Variants in USP47 observed in about 807,000 individuals in gnomAD.
USP47 encodes the protein ubiquitin carboxyl-terminal hydrolase 47.
A neutral mutation model predicts 165.1 loss-of-function variants in USP47; 35 were observed. The ratio of observed to expected loss-of-function variants is 0.21; its 90% CI spans 0.16 to 0.28. The LOEUF (loss-of-function observed/expected upper bound fraction) is 0.28, where lower values mean the gene tolerates loss of function less well. Ranked by LOEUF, USP47 falls within the 10% of genes least tolerant of loss-of-function variation. The probability of loss-of-function intolerance (pLI) is 1.00; values close to 1 mark genes in which losing one functional copy is unlikely to be tolerated. For missense variants in USP47, 1,277 were observed against 1,607.4 expected, an observed-to-expected ratio of 0.79 and a Z score of 3.52; for synonymous variants, 531 against 544.5, an observed-to-expected ratio of 0.98 and a Z score of 0.35.
At chr11:11,853,171 A>G (rs1269703089) in intron 1 of USP47, among the ~76,000 whole-genome samples, 2 of 152,164 alleles carry the variant, frequency 1.3e-5, no homozygotes, top group African/African-American at 4.8e-5. Context: ...AGCCCAAGTT[A>G]GAAAGAAAAG....
intron 7 of USP47, among the ~76,000 whole-genome samples, chr11:11,904,844 A>G (rs568876298): frequency 2.6e-5 from 4 of 152,302 alleles, no homozygotes; most frequent in Admixed American, 6.5e-5. Flanking sequence ...ATATTTCTCT[A>G]TAAAATTGTG....
At chr11:11,889,380 A>G (rs1455041594) in intron 3 of USP47, among the ~76,000 whole-genome samples, 1 of 152,166 alleles carries the variant, frequency 6.6e-6, no homozygotes, top group Admixed American at 6.5e-5. Context: ...ATACAAATTC[A>G]GTGTGCAGAA....
chr11:11,873,466 C>G (rs1319667963), intron 1 of USP47, among the ~76,000 whole-genome samples: 2 of 152,074 alleles, frequency 1.3e-5, no homozygotes, highest in South Asian at 2.1e-4. Context: ...CAAGAGATCT[C>G]TTGGTTTCCT....
At chr11:11,925,834 A>T (rs1433804256) in intron 11 of USP47, among the ~76,000 whole-genome samples, 2 of 152,130 alleles carry the variant, frequency 1.3e-5, no homozygotes, top group South Asian at 2.1e-4. Context: ...TTAGAGGGAA[A>T]GCTTTCCGTT....
intron 4 of USP47, among the ~76,000 whole-genome samples, chr11:11,896,134 G>A (rs1190776626): frequency 6.6e-6 from 1 of 152,168 alleles, no homozygotes; most frequent in Non-Finnish European, 1.5e-5. Context: ...GCCAAATCAA[G>A]TACAAAAGAT....
intron 1 of USP47, among the ~76,000 whole-genome samples, chr11:11,845,099 T>A (rs1179214025): frequency 6.6e-6 from 1 of 152,238 alleles, no homozygotes; most frequent in Non-Finnish European, 1.5e-5. Flanking sequence ...GAAACAGCTA[T>A]GCCATTTATT....
chr11:11,888,903 G>A lies in USP47; in HGVS notation c.358-3065G>A, dbSNP rs184564725. Among the ~76,000 whole-genome samples the A allele has an allele frequency of 4.3e-3, 651 of 152,054 alleles. 2 individuals are homozygous for A. Among genetic ancestry groups the A allele is most frequent in the Admixed American group, 9.2e-3 (140 of 15,264 alleles). On this transcript the variant is annotated intron_variant, in intron 3 of 27. Coordinates refer to ENST00000527733, the MANE Select transcript of USP47 (RefSeq NM_001282659.2). ...GATGCAAGGTTTGTTCAACATATGC[G>A]AATCAATAAATGCGATTCATCCCAT... is the stretch of plus-strand genomic sequence containing the variant.
At chr11:11,923,428 A>T (rs1025720273) in intron 11 of USP47, among the ~76,000 whole-genome samples, 46 of 152,178 alleles carry the variant, frequency 3.0e-4, no homozygotes, top group African/African-American at 9.9e-4. Flanking sequence ...GATAGTCCTC[A>T]AGACACTTTG....
chr11:11,897,558 A>G, intron 4 of USP47, 39 bp from the exon 5 acceptor site: 1 of 1,414,098 alleles, frequency 7.1e-7, no homozygotes, highest in Non-Finnish European at 9.8e-7. Flanking sequence ...TTTTTAATGT[A>G]AATGCTGATT....
At chr11:11,867,833 G>A (rs1396397930) in intron 1 of USP47, among the ~76,000 whole-genome samples, 1 of 152,132 alleles carries the variant, frequency 6.6e-6, no homozygotes, top group African/African-American at 2.4e-5. Flanking sequence ...CCAGGTGCCT[G>A]GGAATATCAC....
intron 16 of USP47, among the ~76,000 whole-genome samples, chr11:11,936,084 ATGAT>A (rs2134728005): frequency 6.6e-6 from 1 of 151,900 alleles, no homozygotes; most frequent in Non-Finnish European, 1.5e-5. Flanking sequence ...CATGCTTTAT[ATGAT>A]TGGAGGGATA....
chr11:11,906,623 C>G (rs983232611), intron 8 of USP47, among the ~76,000 whole-genome samples: 1 of 152,120 alleles, frequency 6.6e-6, no homozygotes, highest in African/African-American at 2.4e-5. Context: ...ATCAAGTCTC[C>G]TTTCTGCTAC....
chr11:11,882,735 T>C (rs1192427131), intron 2 of USP47, among the ~76,000 whole-genome samples: 2 of 152,186 alleles, frequency 1.3e-5, no homozygotes, highest in Admixed American at 6.6e-5. Flanking sequence ...GCACCACTTA[T>C]AGTTCCTTTT....
intron 5 of USP47, among the ~76,000 whole-genome samples, chr11:11,902,482 T>A (rs1024418731): frequency 3.9e-5 from 6 of 152,194 alleles, no homozygotes; most frequent in Non-Finnish European, 7.4e-5. Context: ...TCTTGAGCAC[T>A]TTTGCCTTGT....
At chr11:11,901,566 G>A (rs1462541097) in intron 5 of USP47, among the ~76,000 whole-genome samples, 1 of 152,128 alleles carries the variant, frequency 6.6e-6, no homozygotes. Flanking sequence ...TTTATCATAA[G>A]TTTGTGAGGG....
intron 4 of USP47, among the ~76,000 whole-genome samples, chr11:11,894,556 A>G (rs975400465): frequency 2.6e-5 from 4 of 152,210 alleles, no homozygotes; most frequent in East Asian, 3.8e-4. Context: ...GTTTCTTATT[A>G]TTCTGAGATA....
chr11:11,936,228 G>A, intron 16 of USP47, 75 bp from the exon 17 acceptor site: 6 of 754,832 alleles, frequency 7.9e-6, no homozygotes, highest in Non-Finnish European at 1.0e-5. Context: ...CTAAAACACT[G>A]TGTATTTATA....
At chr11:11,865,141 G>C (rs1449994170) in intron 1 of USP47, among the ~76,000 whole-genome samples, 1 of 152,086 alleles carries the variant, frequency 6.6e-6, no homozygotes, top group Non-Finnish European at 1.5e-5. Flanking sequence ...GATTTCTTTA[G>C]GTTTACCTTA....
intron 1 of USP47, among the ~76,000 whole-genome samples, chr11:11,874,364 T>C (rs1364656105): frequency 6.6e-6 from 1 of 152,262 alleles, no homozygotes; most frequent in East Asian, 1.9e-4. Flanking sequence ...ATCTCTCTTA[T>C]CCTTCCCAAG....
Sources: gnomAD v4.1 joint callset for allele counts (sites outside exome capture counted in the v4.1 genomes callset) on GRCh38, gnomAD v4.1.1 for gene constraint, MANE v1.5 for transcripts, NCBI Gene and HGNC (gene_info 2026-07-23, HGNC 2026-07-21) for gene names.